The following DAB1 variants were observed in gnomAD, a reference collection of about 807,000 sequenced individuals.
DAB1 encodes the protein DAB adaptor protein 1.
Under a neutral mutation model 64.6 loss-of-function variants are expected in DAB1, and 15 were observed. The observed-to-expected ratio is 0.23, with a 90% CI of 0.16 to 0.36. The LOEUF (loss-of-function observed/expected upper bound fraction) is 0.36, where lower values mean the gene tolerates loss of function less well. Ranked by LOEUF, DAB1 falls within the 10% of genes least tolerant of loss-of-function variation. The pLI, the probability that DAB1 is intolerant of heterozygous loss-of-function variation, is 1.00. For missense variants in DAB1, 596 were observed against 706.7 expected (o/e 0.84, Z 1.78); for synonymous variants, 235 against 251.9 (o/e 0.93, Z 0.64).
intron 5 of DAB1, among the ~76,000 whole-genome samples, chr1:57,934,378 G>A (rs1644997134): frequency 6.6e-6 from 1 of 152,086 alleles, no homozygotes. Flanking sequence ...ATTTCTAGTT[G>A]TATTATTTTT....
At chr1:58,132,154 C>A (rs988845467) in intron 5 of DAB1, among the ~76,000 whole-genome samples, 1 of 152,220 alleles carries the variant, frequency 6.6e-6, no homozygotes, top group Non-Finnish European at 1.5e-5. Context: ...AGGAGATAAT[C>A]TCGTGGTGCG....
chr1:57,842,530 GA>G (rs568246530), intron 1 of DAB1, among the ~76,000 whole-genome samples: 17 of 151,230 alleles, frequency 1.1e-4, no homozygotes, highest in Admixed American at 3.3e-4. Context: ...ATTTATGAAT[GA>G]AAAAAAAAGT....
intron 6 of DAB1, among the ~76,000 whole-genome samples, chr1:57,795,694 T>TAG (rs1557485405): frequency 3.6e-5 from 1 of 28,120 alleles, no homozygotes; most frequent in Non-Finnish European, 7.8e-5. Context: ...CTTGGAGATA[T>TAG]ATATATATAT....
intron 4 of DAB1, among the ~76,000 whole-genome samples, chr1:58,184,570 C>G (rs1215966670): frequency 2.6e-5 from 4 of 152,030 alleles, no homozygotes; most frequent in African/African-American, 4.8e-5. Flanking sequence ...TAGTACAAAC[C>G]ACTTGAAATG....
chr1:58,480,904 T>C (rs1403822761), intron 3 of DAB1: 4 of 749,626 alleles, frequency 5.3e-6, no homozygotes, highest in Non-Finnish European at 8.9e-6. Context: ...TTTTAAAAAG[T>C]AACATAAAAT....
rs534025497 is a variant in DAB1, at chr1:57,402,654, GA to G, written c.-137+21275del. 1.1e-4 allele frequency among the ~76,000 whole-genome samples: 17 copies of G among 152,192 alleles called. No individual in the cohort carries two copies. In the South Asian group the frequency reaches 3.5e-3, roughly 32 times the overall value. ...ATATATTTTCTGCCTCATTCATAAA[GA>G]AAAATAATCACAATAGATGTATCGA... On this transcript the variant is annotated intron_variant, in intron 1 of 14. Transcript: ENST00000371236.
intron 3 of DAB1, among the ~76,000 whole-genome samples, chr1:58,441,492 C>T (rs763990964): frequency 6.6e-6 from 1 of 152,152 alleles, no homozygotes; most frequent in African/African-American, 2.4e-5. Context: ...ATTGTTCTAC[C>T]TTGTGTTGTG....
At chr1:57,219,644 G>A (rs1449264421) in intron 2 of DAB1, among the ~76,000 whole-genome samples, 2 of 152,180 alleles carry the variant, frequency 1.3e-5, no homozygotes, top group Non-Finnish European at 2.9e-5. Flanking sequence ...TTCTCCTACT[G>A]AAGGTGCCTT....
intron 6 of DAB1, among the ~76,000 whole-genome samples, chr1:57,734,828 C>G (rs974500875): frequency 2.6e-5 from 4 of 152,090 alleles, no homozygotes; most frequent in African/African-American, 9.7e-5. Context: ...CAGTAAACAA[C>G]AAAAAGCAAG....
chr1:57,984,298 T>A (rs905971669), intron 5 of DAB1, among the ~76,000 whole-genome samples: 1 of 151,630 alleles, frequency 6.6e-6, no homozygotes, highest in Non-Finnish European at 1.5e-5. Context: ...GCTTCAAATA[T>A]CTGCTGGATC....
chr1:57,052,977 A>G (rs558570789), intron 9 of DAB1, among the ~76,000 whole-genome samples: 23 of 152,298 alleles, frequency 1.5e-4, no homozygotes, highest in Non-Finnish European at 2.9e-4. Context: ...CAACTAACAC[A>G]TATCATCCCT....
intron 4 of DAB1, among the ~76,000 whole-genome samples, chr1:58,275,695 G>T (rs1033408863): frequency 6.6e-6 from 1 of 152,136 alleles, no homozygotes. Context: ...ATAACAGAGT[G>T]AAGAAGTTGA....
rs12130275 is a variant in DAB1, at chr1:57,846,453, A to G, written n.88-19998T>C. On this transcript the variant is annotated intron_variant and non_coding_transcript_variant, in intron 1 of 1. Transcript: ENST00000477280. ...AGCCTGGGCGACAGAGCAAGACTCC[A>G]TCAAAAAAAAAAAAAAAAAAAAATC... Among the ~76,000 whole-genome samples the G allele has an allele frequency of 1.6e-3, 192 of 121,190 alleles. 1 individual carries two copies. Among genetic ancestry groups the G allele is most frequent in the African/African-American group, 5.3e-3 (182 of 34,318 alleles). 79.5% of individuals were successfully genotyped at this position (121,190 alleles called of 152,430 possible). A position where few individuals can be genotyped will look rare whatever the true frequency, so the allele number is the denominator to read the frequency against.
intron 2 of DAB1, among the ~76,000 whole-genome samples, chr1:58,509,148 A>G (rs1193440768): frequency 6.6e-6 from 1 of 151,256 alleles, no homozygotes; most frequent in Non-Finnish European, 1.5e-5. Context: ...GATATCAACA[A>G]TAAGAGTGAA....
intron 5 of DAB1, among the ~76,000 whole-genome samples, chr1:57,914,667 A>G (rs904234798): frequency 6.6e-6 from 1 of 152,246 alleles, no homozygotes; most frequent in Non-Finnish European, 1.5e-5. Flanking sequence ...TGAACAGATG[A>G]ATAACTGAAA....
chr1:57,084,896 A>G (rs1249897564), intron 4 of DAB1, among the ~76,000 whole-genome samples: 1 of 152,178 alleles, frequency 6.6e-6, no homozygotes, highest in Admixed American at 6.5e-5. Flanking sequence ...GAGCTCTCTG[A>G]GTACAAGGAT....
intron 3 of DAB1, among the ~76,000 whole-genome samples, chr1:58,493,095 TG>T (rs1645728590): frequency 6.6e-6 from 1 of 152,180 alleles, no homozygotes; most frequent in Non-Finnish European, 1.5e-5. Flanking sequence ...ATCCCTGGGA[TG>T]CAAGGCTGGT....
At chr1:57,034,067 T>A (rs1014847516) in intron 9 of DAB1, among the ~76,000 whole-genome samples, 1 of 151,878 alleles carries the variant, frequency 6.6e-6, no homozygotes, top group African/African-American at 2.4e-5. Context: ...GATCACGAGG[T>A]CAGGAGATCG....
At chr1:57,434,179 T>C (rs910892277) in intron 7 of DAB1, among the ~76,000 whole-genome samples, 1 of 152,180 alleles carries the variant, frequency 6.6e-6, no homozygotes, top group African/African-American at 2.4e-5. Context: ...TACACACATA[T>C]ACTTGAAAAT....
Sources: gnomAD v4.1 joint callset for allele counts (sites outside exome capture counted in the v4.1 genomes callset) on GRCh38, gnomAD v4.1.1 for gene constraint, MANE v1.5 for transcripts, NCBI Gene and HGNC (gene_info 2026-07-23, HGNC 2026-07-21) for gene names.